The following DMD variants were observed in gnomAD, a reference collection of about 807,000 sequenced individuals.
DMD encodes the protein mutant dystrophin.
A neutral mutation model predicts 330.1 loss-of-function variants in DMD; 63 were observed. The ratio of observed to expected loss-of-function variants is 0.19; its 90% confidence interval spans 0.16 to 0.24. The LOEUF is 0.24. Among genes scored for constraint, DMD ranks in the 10% least tolerant of loss-of-function variants. The pLI is 1.00. For synonymous variants in DMD, 1,223 were observed against 959.8 expected (o/e 1.27, Z -5.07); for missense variants, 3,344 against 2,684.1 (o/e 1.25, Z -5.43).
chrX:32,969,027 C>CCAAAAAAAAAAAAA (rs2092280100), intron 2 of DMD, among the ~76,000 whole-genome samples: 6 of 19,823 alleles, frequency 3.0e-4, no homozygotes, highest in African/African-American at 7.8e-4. Flanking sequence ...GATTCTGTCT[C>CCAAAAAAAAAAAAA]AAAAAAAAAA....
intron 52 of DMD, among the ~76,000 whole-genome samples, chrX:31,688,963 C>T (rs1287633819): frequency 4.5e-5 from 5 of 111,560 alleles, no homozygotes; most frequent in Non-Finnish European, 7.5e-5. Flanking sequence ...ATTGATGGGA[C>T]GTATCTCAAA....
chrX:32,350,524 G>T (rs922979177), intron 37 of DMD, among the ~76,000 whole-genome samples: 1 of 111,364 alleles, frequency 9.0e-6, no homozygotes, highest in African/African-American at 3.3e-5. Flanking sequence ...TAAATATCAA[G>T]TAAGTGTCAA....
At chrX:32,312,962 A>AAAAAAAAAAAAAAAAAAAAAAC (rs2097569471) in intron 41 of DMD, among the ~76,000 whole-genome samples, 1 of 97,040 alleles carries the variant, frequency 1.0e-5, no homozygotes, top group Admixed American at 1.2e-4. Flanking sequence ...AAAAAAAAAA[A>AAAAAAAAAAAAAAAAAAAAAAC]AAGCCCAGGA....
chrX:32,944,720 G>A (rs374399926), intron 2 of DMD, among the ~76,000 whole-genome samples: 31 of 108,120 alleles, frequency 2.9e-4, no homozygotes, highest in South Asian at 2.1e-3. Context: ...TTCTCCTGCC[G>A]CAGCCTCCCG....
At chrX:32,538,508 G>A (rs2048200064) in intron 17 of DMD, among the ~76,000 whole-genome samples, 1 of 110,726 alleles carries the variant, frequency 9.0e-6, no homozygotes, top group Non-Finnish European at 1.9e-5. Context: ...TTCAGACTCA[G>A]CCTGCCTGCA....
chrX:31,281,168 G>A (rs1411110302), intron 62 of DMD, among the ~76,000 whole-genome samples: 2 of 111,826 alleles, frequency 1.8e-5, no homozygotes, highest in Admixed American at 9.5e-5. Context: ...CAGGGCCAAC[G>A]ACAGAGACTC....
At chrX:31,247,930 G>C (rs772138463) in intron 63 of DMD, among the ~76,000 whole-genome samples, 66 of 111,794 alleles carry the variant, frequency 5.9e-4, no homozygotes, top group Middle Eastern at 9.2e-3. Context: ...ACATTCTACA[G>C]AGAAATCTTT....
chrX:32,558,938 C>CTTTTTTTTTTTTTTTTTTTT (rs60739281), intron 16 of DMD, among the ~76,000 whole-genome samples: 1 of 50,828 alleles, frequency 2.0e-5, no homozygotes, highest in African/African-American at 1.0e-4. Flanking sequence ...TTCAAATTTT[C>CTTTTTTTTTTTTTTTTTTTT]TTTTTTTTTT....
At chrX:32,468,474 G>A (rs2040284509) in intron 23 of DMD, 24 bp downstream of exon 23, 1 of 1,153,333 alleles carries the variant, frequency 8.7e-7, no homozygotes, top group Admixed American at 2.4e-5. Context: ...AAAAATGAGG[G>A]TAGAAAGTAA....
At position 31,130,194 on chromosome X, in the gene DMD, A is replaced by G. The variant is rs754716872; in HGVS notation, c.11015-3521T>C. The stretch of plus-strand genomic sequence containing the variant: ...GCGTTTCTTTCATCAATGCACATAC[A>G]TATAAAAATATCTTTGTTAGTCTGC... On this transcript the variant is annotated intron_variant, in intron 77 of 78. Transcript: ENST00000357033. Among the ~76,000 whole-genome samples, 3 of 112,261 alleles carry G rather than the reference A, an allele frequency of 2.7e-5. No individual in the cohort carries two copies. In the South Asian group the frequency reaches 1.1e-3, roughly 42 times the overall value.
intron 2 of DMD, among the ~76,000 whole-genome samples, chrX:32,878,201 C>A (rs181336448): frequency 9.0e-6 from 1 of 110,981 alleles, no homozygotes; most frequent in African/African-American, 3.3e-5. Flanking sequence ...CGGTGAAACC[C>A]CATCTCTCTC....
chrX:32,523,978 C>G (rs1186449392), intron 17 of DMD, among the ~76,000 whole-genome samples: 25 of 104,256 alleles, frequency 2.4e-4, no homozygotes, highest in Admixed American at 6.2e-4. Flanking sequence ...TGTCACCCAG[C>G]CTGGAGTGCA....
chrX:31,513,513 A>G (rs2147260743), intron 55 of DMD, among the ~76,000 whole-genome samples: 1 of 111,416 alleles, frequency 9.0e-6, no homozygotes, highest in Non-Finnish European at 1.9e-5. Flanking sequence ...TGGGTAGCCA[A>G]TCTGGACAAA....
At chrX:32,403,623 T>A (rs1332781804) in intron 30 of DMD, among the ~76,000 whole-genome samples, 1 of 111,841 alleles carries the variant, frequency 8.9e-6, no homozygotes, top group Non-Finnish European at 1.9e-5. Context: ...TTTCCCACAC[T>A]ATTAAACATA....
chrX:33,300,619 T>G (rs2053648122), intron 1 of DMD, among the ~76,000 whole-genome samples: 1 of 111,721 alleles, frequency 9.0e-6, no homozygotes, highest in Non-Finnish European at 1.9e-5. Context: ...GGCTCTACCT[T>G]CATGAATGGG....
Position 32,828,155 on chromosome X carries a change from T to C in DMD, c.265-4768A>G, listed in dbSNP as rs766159717. ...GGACATTTATGTTGATTCCCCATCT[T>C]TGCTACTGTGAATAGTGCTGCAATA... On this transcript the variant is annotated intron_variant, in intron 4 of 78. Coordinates refer to ENST00000357033, the MANE Select transcript of DMD (RefSeq NM_004006.3). Among the ~76,000 whole-genome samples the C allele has an allele frequency of 2.7e-5, 3 of 111,945 alleles. No individual in the cohort carries two copies. The East Asian group carries it at 8.5e-4, about 32-fold the overall frequency.
At chrX:31,169,657 G>A (rs2148185804) in intron 73 of DMD, 56 bp from the exon 74 acceptor site, 1 of 1,040,888 alleles carries the variant, frequency 9.6e-7, no homozygotes, top group Non-Finnish European at 1.3e-6. Context: ...TGCTTTGGGG[G>A]TTAGGGACTC....
chrX:32,718,052 G>A (rs1056454453), intron 7 of DMD, among the ~76,000 whole-genome samples: 9 of 111,276 alleles, frequency 8.1e-5, no homozygotes, highest in African/African-American at 2.6e-4. Context: ...TGAGACTTTG[G>A]ACTGTGGACT....
chrX:32,205,035 A>ACC (rs374329050), intron 44 of DMD, among the ~76,000 whole-genome samples: 9 of 86,468 alleles, frequency 1.0e-4, no homozygotes, highest in East Asian at 3.4e-4. Context: ...ACACACACAC[A>ACC]CACACACCCA....
Sources: gnomAD v4.1 joint callset for allele counts (sites outside exome capture counted in the v4.1 genomes callset) on GRCh38, gnomAD v4.1.1 for gene constraint, MANE v1.5 for transcripts, NCBI Gene and HGNC (gene_info 2026-07-23, HGNC 2026-07-21) for gene names.